Variants in PPFIA2 observed in about 807,000 individuals in gnomAD.
PPFIA2 encodes PPFI scaffold protein A2, also known as liprin-alpha-2.
PPFIA2 carries 46 observed loss-of-function variants against 175.5 expected under a neutral mutation model. The ratio of observed to expected loss-of-function variants is 0.26; its 90% CI spans 0.21 to 0.34. The LOEUF is 0.34. Ranked by LOEUF, PPFIA2 falls within the 10% of genes least tolerant of loss-of-function variation. The probability of loss-of-function intolerance (pLI) is 1.00; values close to 1 mark genes in which losing one functional copy is unlikely to be tolerated. For synonymous variants in PPFIA2, 568 were observed against 511.4 expected, an observed-to-expected ratio of 1.11 and a Z score of -1.49; for missense variants, 1,179 against 1,506.1, an observed-to-expected ratio of 0.78 and a Z score of 3.60.
At position 81,603,853 on chromosome 12, in the gene PPFIA2, T is replaced by C. The variant is rs1196210419; in HGVS notation, c.303+72938A>G. Among the ~76,000 whole-genome samples, 4 of 145,390 alleles carry C rather than the reference T, an allele frequency of 2.8e-5. No individual in the cohort carries two copies. The South Asian group carries it at 6.5e-4, about 24-fold the overall frequency. On this transcript the variant is annotated intron_variant, in intron 4 of 32. Coordinates refer to ENST00000549396, the MANE Select transcript of PPFIA2 (RefSeq NM_003625.5). ...AAAAAAAAAAAAAAAAAAAGCCCTG[T>C]CCATTACACCTGTCCCTTACTGTTT...
intron 8 of PPFIA2, 66 bp from the exon 9 acceptor site, chr12:81,384,310 C>A: frequency 8.7e-7 from 1 of 1,148,874 alleles, no homozygotes; most frequent in South Asian, 1.8e-5. Flanking sequence ...TTAAAATAAA[C>A]TTAAAGAAAT....
intron 3 of PPFIA2, among the ~76,000 whole-genome samples, chr12:81,704,583 A>G (rs1215200024): frequency 6.6e-6 from 1 of 152,122 alleles, no homozygotes; most frequent in Non-Finnish European, 1.5e-5. Flanking sequence ...AGGGAGCATC[A>G]ATGAGAACAG....
At chr12:81,751,280 G>A (rs1286387177) in intron 3 of PPFIA2, among the ~76,000 whole-genome samples, 1 of 151,980 alleles carries the variant, frequency 6.6e-6, no homozygotes, top group East Asian at 1.9e-4. Context: ...CCATCTAAAT[G>A]TATAGGCTCA....
chr12:81,494,515 C>A (rs960934607), intron 4 of PPFIA2, among the ~76,000 whole-genome samples: 3 of 151,832 alleles, frequency 2.0e-5, no homozygotes, highest in Non-Finnish European at 2.9e-5. Context: ...ACTAGTTCAA[C>A]CATTGTGGAA....
At chr12:81,315,809 T>C (rs1488102286) in intron 22 of PPFIA2, among the ~76,000 whole-genome samples, 2 of 151,698 alleles carry the variant, frequency 1.3e-5, no homozygotes, top group Non-Finnish European at 3.0e-5. Flanking sequence ...TAAAGATAAA[T>C]ATTTAAGCAT....
chr12:81,299,139 G>A (rs1255278456), intron 23 of PPFIA2, among the ~76,000 whole-genome samples, 162 bp downstream of exon 23: 4 of 152,148 alleles, frequency 2.6e-5, no homozygotes, highest in Non-Finnish European at 5.9e-5. Flanking sequence ...AAAAGTGTCA[G>A]CATAAAATCA....
At chr12:81,690,724 T>G (rs1424858594) in intron 3 of PPFIA2, among the ~76,000 whole-genome samples, 2 of 152,148 alleles carry the variant, frequency 1.3e-5, no homozygotes, top group Non-Finnish European at 2.9e-5. Flanking sequence ...CACAAATTTA[T>G]TATTTCACAG....
chr12:81,535,636 C>CACACAT, intron 4 of PPFIA2: 1 of 338,720 alleles, frequency 3.0e-6, no homozygotes. Flanking sequence ...ACAGCAAACA[C>CACACAT]ACACATACAC....
At chr12:81,504,297 C>G (rs566311692) in intron 4 of PPFIA2, among the ~76,000 whole-genome samples, 1 of 151,824 alleles carries the variant, frequency 6.6e-6, no homozygotes, top group South Asian at 2.1e-4. Flanking sequence ...AACAAATTTA[C>G]GAGAAAAATC....
chr12:81,291,226 T>C (rs1183804168), intron 24 of PPFIA2, among the ~76,000 whole-genome samples: 12 of 152,008 alleles, frequency 7.9e-5, no homozygotes, highest in African/African-American at 2.9e-4. Flanking sequence ...ACAAATGTTA[T>C]ACAGGATCAT....
At chr12:81,568,274 G>A (rs868834183) in intron 4 of PPFIA2, among the ~76,000 whole-genome samples, 146 of 152,252 alleles carry the variant, frequency 9.6e-4, no homozygotes, top group South Asian at 1.0e-3. Context: ...TCATGAAAAA[G>A]GACAAGAGTC....
At chr12:81,312,027 C>A in intron 22 of PPFIA2, 1 of 777,144 alleles carries the variant, frequency 1.3e-6, no homozygotes, top group Non-Finnish European at 2.0e-6. Context: ...AATAAATATG[C>A]TTCATGATTT....
chr12:81,339,064 A>G, intron 21 of PPFIA2, 116 bp downstream of exon 21: 1 of 979,780 alleles, frequency 1.0e-6, no homozygotes, highest in Non-Finnish European at 1.4e-6. Context: ...AAATTTTGTC[A>G]GGTAGAAAAG....
At chr12:81,300,047 A>G (rs2047432029) in intron 22 of PPFIA2, among the ~76,000 whole-genome samples, 3 of 152,224 alleles carry the variant, frequency 2.0e-5, no homozygotes, top group Admixed American at 1.3e-4. Flanking sequence ...AATGAAATTA[A>G]AATATCTTAA....
intron 3 of PPFIA2, among the ~76,000 whole-genome samples, chr12:81,716,272 T>C (rs1172557274): frequency 2.0e-5 from 3 of 151,754 alleles, no homozygotes; most frequent in Non-Finnish European, 2.9e-5. Flanking sequence ...TGCCTTATTT[T>C]CTATGTGAAC....
intron 22 of PPFIA2, among the ~76,000 whole-genome samples, chr12:81,316,384 A>C (rs1007286065): frequency 2.1e-4 from 32 of 151,608 alleles, no homozygotes; most frequent in Non-Finnish European, 4.3e-4. Context: ...CATTATATTT[A>C]AATATACTTT....
chr12:81,753,526 T>TA lies in PPFIA2; in HGVS notation c.249+446dup, dbSNP rs796161671. Among the ~76,000 whole-genome samples the TA allele has an allele frequency of 3.5e-3, 484 of 139,390 alleles. 1 individual carries two copies. The highest frequency in any genetic ancestry group is 7.0e-3 in the South Asian group (31 of 4,460). The allele number at this position is 139,390 out of a possible 152,430, so 91.4% of individuals were successfully genotyped here. A position where few individuals can be genotyped will look rare whatever the true frequency, so the allele number is the denominator to read the frequency against. ...AATTTTAAAGCAGATATTAGGCATTTAAAAAAAAAAAAACAATAGTTGGAC... is the reference window on the plus strand; with the variant it reads ...AATTTTAAAGCAGATATTAGGCATTTAAAAAAAAAAAAAACAATAGTTGGAC... On this transcript the variant is annotated intron_variant, in intron 3 of 32. Coordinates refer to ENST00000549396, the MANE Select transcript of PPFIA2 (RefSeq NM_003625.5).
At chr12:81,384,483 A>G (rs1462422703) in intron 8 of PPFIA2, among the ~76,000 whole-genome samples, 1 of 152,074 alleles carries the variant, frequency 6.6e-6, no homozygotes, top group Non-Finnish European at 1.5e-5. Context: ...ATGCTATGCT[A>G]TGCTCTCTCT....
intron 3 of PPFIA2, among the ~76,000 whole-genome samples, chr12:81,726,798 C>A (rs770861986): frequency 7.3e-5 from 11 of 151,274 alleles, no homozygotes; most frequent in Non-Finnish European, 1.2e-4. Flanking sequence ...GCTTTCCACA[C>A]CATTGCCTTT....
Sources: gnomAD v4.1 joint callset for allele counts (sites outside exome capture counted in the v4.1 genomes callset) on GRCh38, gnomAD v4.1.1 for gene constraint, MANE v1.5 for transcripts, NCBI Gene and HGNC (gene_info 2026-07-23, HGNC 2026-07-21) for gene names.